Variants in CNTNAP2 observed in about 807,000 individuals in gnomAD.
CNTNAP2 encodes the protein contactin associated protein 2, also known as contactin-associated protein-like 2.
CNTNAP2 carries 98 observed loss-of-function variants against 155.2 expected under a neutral mutation model. That is an observed-to-expected ratio of 0.63 (90% CI 0.54 to 0.75). The LOEUF is 0.75. Ranked by LOEUF, CNTNAP2 falls within the 30% of genes least tolerant of loss-of-function variation. The pLI is 0.00. For synonymous variants in CNTNAP2, 651 were observed against 631.2 expected (o/e 1.03, Z -0.47); for missense variants, 1,727 against 1,688.1 (o/e 1.02, Z -0.40).
intron 8 of CNTNAP2, among the ~76,000 whole-genome samples, chr7:147,297,150 G>C (rs375770505): frequency 1.5e-4 from 22 of 150,532 alleles, no homozygotes; most frequent in African/African-American, 5.1e-4. Flanking sequence ...GTGTAGAGCT[G>C]AGAAGCCATA....
chr7:146,719,723 ATT>A (rs11287281), intron 1 of CNTNAP2, among the ~76,000 whole-genome samples: 27 of 147,782 alleles, frequency 1.8e-4, no homozygotes, highest in African/African-American at 5.4e-4. Flanking sequence ...CTCTTTCTCC[ATT>A]TTTTTTTTGA....
intron 15 of CNTNAP2, among the ~76,000 whole-genome samples, chr7:148,015,929 C>G (rs1329463714): frequency 2.0e-5 from 3 of 152,170 alleles, no homozygotes; most frequent in Non-Finnish European, 4.4e-5. Context: ...CTTTCCAATT[C>G]ACCAACTCCC....
intron 2 of CNTNAP2, among the ~76,000 whole-genome samples, chr7:146,821,381 A>C (rs547839475): frequency 2.0e-5 from 3 of 152,128 alleles, no homozygotes; most frequent in African/African-American, 4.8e-5. Flanking sequence ...ATCTCTCAGC[A>C]TTTGCTTGTC....
At chr7:147,148,906 G>T (rs550407027) in intron 8 of CNTNAP2, among the ~76,000 whole-genome samples, 4 of 152,214 alleles carry the variant, frequency 2.6e-5, no homozygotes, top group Non-Finnish European at 4.4e-5. Flanking sequence ...GAATGAAGCC[G>T]CAGACCCTTG....
intron 2 of CNTNAP2, among the ~76,000 whole-genome samples, chr7:146,835,494 C>A (rs967694252): frequency 1.3e-5 from 2 of 151,976 alleles, no homozygotes; most frequent in African/African-American, 2.4e-5. Context: ...TTGTTGTCCC[C>A]AAAATTAACC....
chr7:147,945,206 ATAT>A (rs1457407043), intron 14 of CNTNAP2, among the ~76,000 whole-genome samples: 1 of 152,174 alleles, frequency 6.6e-6, no homozygotes, highest in African/African-American at 2.4e-5. Context: ...CAAAAATTTT[ATAT>A]TATTTGCAAC....
At chr7:147,638,678 T>C (rs1013542804) in intron 12 of CNTNAP2, 6 of 368,012 alleles carry the variant, frequency 1.6e-5, no homozygotes, top group Non-Finnish European at 2.7e-5. Context: ...GCAAACACCA[T>C]GTAGGAAGAC....
At chr7:148,052,163 C>T (rs1454626550) in intron 15 of CNTNAP2, among the ~76,000 whole-genome samples, 1 of 149,652 alleles carries the variant, frequency 6.7e-6, no homozygotes, top group African/African-American at 2.4e-5. Flanking sequence ...AAAAAAAGCC[C>T]TTGTAAGCAT....
intron 1 of CNTNAP2, among the ~76,000 whole-genome samples, chr7:146,336,790 GTGT>G (rs1329423296): frequency 1.3e-5 from 2 of 152,266 alleles, no homozygotes; most frequent in Non-Finnish European, 2.9e-5. Flanking sequence ...AACAACAAAA[GTGT>G]TGTTAGATGC....
At chr7:148,253,022 A>G (rs1339290117) in intron 20 of CNTNAP2, among the ~76,000 whole-genome samples, 1 of 138,564 alleles carries the variant, frequency 7.2e-6, no homozygotes, top group Non-Finnish European at 1.6e-5. Context: ...AGATAGATAG[A>G]TAGATAGATA....
intron 4 of CNTNAP2, among the ~76,000 whole-genome samples, chr7:147,080,771 C>T (rs1038752232): frequency 8.0e-5 from 12 of 150,544 alleles, no homozygotes; most frequent in African/African-American, 2.9e-4. Flanking sequence ...TTTTCTGCCT[C>T]ATGTCAATTA....
intron 18 of CNTNAP2, among the ~76,000 whole-genome samples, chr7:148,216,120 C>A (rs1329759400): frequency 6.6e-6 from 1 of 152,284 alleles, no homozygotes; most frequent in East Asian, 1.9e-4. Context: ...CAGCCCTTCA[C>A]AGTGAGTCGG....
intron 1 of CNTNAP2, among the ~76,000 whole-genome samples, chr7:146,703,227 A>T (rs1241555752): frequency 6.6e-6 from 1 of 152,124 alleles, no homozygotes; most frequent in East Asian, 1.9e-4. Context: ...CCTAAACTGA[A>T]ATAAACCATG....
intron 1 of CNTNAP2, among the ~76,000 whole-genome samples, chr7:146,584,598 C>T (rs554830944): frequency 7.2e-5 from 11 of 152,266 alleles, no homozygotes; most frequent in East Asian, 5.8e-4. Context: ...TTCACATCCT[C>T]GCACTACATC....
chr7:146,999,655 G>C (rs1415702918), intron 3 of CNTNAP2, among the ~76,000 whole-genome samples: 3 of 150,944 alleles, frequency 2.0e-5, no homozygotes, highest in East Asian at 2.0e-4. Context: ...GCAGGGCATA[G>C]TATTTTTTGT....
intron 1 of CNTNAP2, among the ~76,000 whole-genome samples, chr7:146,590,986 T>C (rs1487909901): frequency 6.6e-6 from 1 of 152,158 alleles, no homozygotes; most frequent in African/African-American, 2.4e-5. Flanking sequence ...TGCTTGCTTA[T>C]TGGTAGCATA....
chr7:148,024,603 C>T (rs1802345354), intron 15 of CNTNAP2, among the ~76,000 whole-genome samples: 1 of 152,182 alleles, frequency 6.6e-6, no homozygotes, highest in African/African-American at 2.4e-5. Flanking sequence ...CACTATTCAA[C>T]ATGTTATTAC....
chr7:147,687,622 T>A (rs1796032126), intron 13 of CNTNAP2, among the ~76,000 whole-genome samples: 1 of 152,112 alleles, frequency 6.6e-6, no homozygotes, highest in Non-Finnish European at 1.5e-5. Flanking sequence ...AGAGCCATAT[T>A]TGACCATGGG....
chr7:146,726,403 T>C (rs1046131713), intron 1 of CNTNAP2, among the ~76,000 whole-genome samples: 2 of 152,150 alleles, frequency 1.3e-5, no homozygotes, highest in African/African-American at 4.8e-5. Context: ...TTTTTTTTCT[T>C]TTAGCTTCCC....
Sources: gnomAD v4.1 joint callset for allele counts (sites outside exome capture counted in the v4.1 genomes callset) on GRCh38, gnomAD v4.1.1 for gene constraint, MANE v1.5 for transcripts, NCBI Gene and HGNC (gene_info 2026-07-23, HGNC 2026-07-21) for gene names.